Variants in CMTM4 observed in about 807,000 individuals in gnomAD.
CMTM4 encodes the protein CKLF-like MARVEL transmembrane domain-containing protein 4.
In CMTM4, 8 loss-of-function variants were observed where a neutral mutation model predicts 19.0. The observed-to-expected ratio is 0.42, with a 90% CI of 0.25 to 0.76. The LOEUF (loss-of-function observed/expected upper bound fraction) is 0.76, where lower values mean the gene tolerates loss of function less well. Among genes scored for constraint, CMTM4 ranks in the 30% least tolerant of loss-of-function variants. The pLI is 0.27. For synonymous variants in CMTM4, 106 were observed against 121.1 expected, an observed-to-expected ratio of 0.88 and a Z score of 0.82; for missense variants, 228 against 290.2, an observed-to-expected ratio of 0.79 and a Z score of 1.56.
intron 1 of CMTM4, among the ~76,000 whole-genome samples, chr16:66,691,654 T>C (rs896998525): frequency 6.6e-6 from 1 of 152,212 alleles, no homozygotes; most frequent in Non-Finnish European, 1.5e-5. Flanking sequence ...TAACCTATGA[T>C]TGTACCACTG....
At chr16:66,685,712 T>A (rs543709619) in intron 1 of CMTM4, among the ~76,000 whole-genome samples, 4 of 152,286 alleles carry the variant, frequency 2.6e-5, no homozygotes, top group Non-Finnish European at 5.9e-5. Flanking sequence ...GGTGCAATTT[T>A]GGCTCACTGC....
rs1018944803 is a variant in CMTM4 at position 66,616,008 on chromosome 16, G to C, written c.*6050C>G. 1 of 152,050 alleles carries C rather than the reference G, an allele frequency of 6.6e-6. No individual in the cohort carries two copies. Among genetic ancestry groups the C allele is most frequent in the African/African-American group, 2.4e-5 (1 of 41,424 alleles). 9.4% of individuals were successfully genotyped at this position (152,050 alleles called of 1,614,324 possible). A position where few individuals can be genotyped will look rare whatever the true frequency, so the allele number is the denominator to read the frequency against. ...AGGAGAAGCAGCAGCAGAGAGGAAA[G>C]AGGAATAGCCAGGGAATTTTTTTTG... On this transcript the variant is annotated 3_prime_UTR_variant, in exon 4 of 4. Transcript: ENST00000394106.
chr16:66,602,461 A>G, the CMTM4 span, among the ~76,000 whole-genome samples: 3 of 152,138 alleles, frequency 2.0e-5, no homozygotes, highest in Non-Finnish European at 4.4e-5. Context: ...TCAGATTTTT[A>G]TTCACCCTAT....
intron 1 of CMTM4, among the ~76,000 whole-genome samples, chr16:66,645,700 C>T (rs148650895): frequency 3.9e-5 from 6 of 152,030 alleles, no homozygotes; most frequent in South Asian, 2.1e-4. Context: ...GTAACCAGGC[C>T]GGCTGTGGTG....
intron 1 of CMTM4, among the ~76,000 whole-genome samples, chr16:66,678,737 T>C (rs1284370346): frequency 2.6e-5 from 4 of 152,228 alleles, no homozygotes; most frequent in Non-Finnish European, 5.9e-5. Context: ...CTTTGGCTGG[T>C]TGTAATGTCC....
intron 1 of CMTM4, among the ~76,000 whole-genome samples, chr16:66,680,334 C>T (rs535268508): frequency 6.5e-4 from 98 of 151,864 alleles, no homozygotes; most frequent in African/African-American, 2.3e-3. Flanking sequence ...CAAAAATTGG[C>T]CAGGTGTGGT....
chr16:66,682,084 A>C (rs1288527895), intron 1 of CMTM4, among the ~76,000 whole-genome samples: 2 of 151,982 alleles, frequency 1.3e-5, no homozygotes, highest in Non-Finnish European at 2.9e-5. Flanking sequence ...CCAAACCCTT[A>C]CTCCCAAGAG....
chr16:66,652,869 C>T (rs749323548), intron 1 of CMTM4, among the ~76,000 whole-genome samples: 3 of 152,316 alleles, frequency 2.0e-5, no homozygotes, highest in Admixed American at 6.5e-5. Flanking sequence ...AGATTGCCCA[C>T]AGAATCTTAT....
Position 66,619,086 on chromosome 16 carries a change from A to T in CMTM4, c.*2972T>A. The T allele has an allele frequency of 1.7e-5, 17 of 985,508 alleles. No individual in the cohort carries two copies. Among genetic ancestry groups the T allele is most frequent in the Non-Finnish European group, 2.0e-5 (17 of 829,948 alleles). 61.0% of individuals were successfully genotyped at this position (985,508 alleles called of 1,614,324 possible). A position where few individuals can be genotyped will look rare whatever the true frequency, so the allele number is the denominator to read the frequency against. On this transcript the variant is annotated 3_prime_UTR_variant, in exon 4 of 4. Transcript: ENST00000394106. Reference sequence around the variant, plus strand: ...TGACGAGATTTTAATCTGAAACTGCATCTGTTCTTCCCAGCTTTATGTGGG... The same window carrying T: ...TGACGAGATTTTAATCTGAAACTGCTTCTGTTCTTCCCAGCTTTATGTGGG...
intron 2 of CMTM4, among the ~76,000 whole-genome samples, chr16:66,630,602 G>C (rs2015836996): frequency 6.6e-6 from 1 of 151,952 alleles, no homozygotes; most frequent in South Asian, 2.1e-4. Flanking sequence ...GGCCTCCCGA[G>C]GTGCCGGGAT....
At chr16:66,661,902 C>T (rs1348569031) in intron 1 of CMTM4, among the ~76,000 whole-genome samples, 1 of 152,082 alleles carries the variant, frequency 6.6e-6, no homozygotes, top group Non-Finnish European at 1.5e-5. Context: ...CACTGCACTC[C>T]AGCCTGGGCA....
Position 66,622,303 on chromosome 16 carries a change from A to T in CMTM4, c.463-81T>A. 1 of 1,479,838 alleles carries T rather than the reference A, an allele frequency of 6.8e-7. No individual in the cohort carries two copies. The highest frequency in any genetic ancestry group is 2.3e-5 in the East Asian group (1 of 42,982). The allele number at this position is 1,479,838 out of a possible 1,614,324, so 91.7% of individuals were successfully genotyped here. A position where few individuals can be genotyped will look rare whatever the true frequency, so the allele number is the denominator to read the frequency against. ...TTCTGTGGTGACCCAAGCCACATGCAGCCCCTTCCTGCTCTGCCAGCTGAT... is the reference window on the plus strand; with the variant it reads ...TTCTGTGGTGACCCAAGCCACATGCTGCCCCTTCCTGCTCTGCCAGCTGAT... On this transcript the variant is annotated intron_variant, in intron 3 of 3. Coordinates refer to ENST00000394106, the MANE Select transcript of CMTM4 (RefSeq NM_181521.3). This position sits in a 1 kb window ranked among gnomAD's most constrained non-coding sequence, Gnocchi z 4.0.
At position 66,682,416 on chromosome 16, in the gene CMTM4, A is replaced by G. The variant is rs542005681; in HGVS notation, c.186+13924T>C. Among the ~76,000 whole-genome samples, 41 of 151,842 alleles carry G rather than the reference A, an allele frequency of 2.7e-4. No homozygotes were observed. The South Asian group carries it at 5.6e-3, about 21-fold the overall frequency. On this transcript the variant is annotated intron_variant, in intron 1 of 3. Transcript: ENST00000394106. The stretch of plus-strand genomic sequence containing the variant: ...TTTTCCACTGGCACAAAAATCTTTT[A>G]GCCTTAAACTGTTTTTCACAGTGGT...
chr16:66,604,733 C>T, the CMTM4 span: 2 of 1,145,872 alleles, frequency 1.7e-6, no homozygotes, highest in East Asian at 3.5e-5. Context: ...CCGCACAGCC[C>T]GGGTTTCCGC....
chr16:66,619,321 A>T lies in CMTM4; in HGVS notation c.*2737T>A. ...ATCTAAAACCACCAGAGGTTCCACC[A>T]AATGCTTGAGGGTTTCAGCTGTACA... On this transcript the variant is annotated 3_prime_UTR_variant, in exon 4 of 4. Transcript: ENST00000394106. 1 of 985,470 alleles carries T rather than the reference A, an allele frequency of 1.0e-6. No homozygotes were observed. The highest frequency in any genetic ancestry group is 1.2e-6 in the Non-Finnish European group (1 of 829,936). The allele number at this position is 985,470 out of a possible 1,614,324, so 61.0% of individuals were successfully genotyped here.
At chr16:66,695,638 TTC>T (rs1163480777) in intron 1 of CMTM4, among the ~76,000 whole-genome samples, 2 of 152,172 alleles carry the variant, frequency 1.3e-5, no homozygotes, top group South Asian at 2.1e-4. Flanking sequence ...CAACAGAAAG[TTC>T]TCTGTTTCTG....
At chr16:66,613,001 G>A (rs945178057), downstream of CMTM4, 7 of 700,932 alleles carry the variant, frequency 1.0e-5, no homozygotes, top group South Asian at 7.4e-5. Flanking sequence ...GCGGGGGTCG[G>A]GGGTCTTCTG....
the CMTM4 span, chr16:66,605,291 G>A: frequency 1.5e-5 from 3 of 204,732 alleles, no homozygotes; most frequent in African/African-American, 2.3e-5. This position sits in a 1 kb window ranked among gnomAD's most constrained non-coding sequence, Gnocchi z 4.6. Flanking sequence ...CGGGCAACTC[G>A]GACCTCCGGG....
At chr16:66,667,475 G>T (rs923831104) in intron 1 of CMTM4, among the ~76,000 whole-genome samples, 1 of 152,176 alleles carries the variant, frequency 6.6e-6, no homozygotes, top group African/African-American at 2.4e-5. Context: ...TTGTAGAAAT[G>T]TGTCGTCATA....
Sources: gnomAD v4.1 joint callset for allele counts (sites outside exome capture counted in the v4.1 genomes callset) on GRCh38, gnomAD v4.1.1 for gene constraint, Gnocchi (gnomAD v3.1) non-coding constraint, MANE v1.5 for transcripts, NCBI Gene and HGNC (gene_info 2026-07-23, HGNC 2026-07-21) for gene names.